CHCHD3: variants seen among roughly 807,000 people sequenced by gnomAD.
CHCHD3 encodes the protein coiled-coil-helix-coiled-coil-helix domain containing 3, also known as MICOS complex subunit MIC19.
In CHCHD3, 20 loss-of-function variants were observed where a neutral mutation model predicts 38.2. The observed-to-expected ratio is 0.52, with a 90% CI of 0.37 to 0.76. The LOEUF is 0.76. Among genes scored for constraint, CHCHD3 ranks in the 30% least tolerant of loss-of-function variants. CHCHD3 has a pLI of 0.00. For missense variants in CHCHD3, 245 were observed against 279.2 expected, an observed-to-expected ratio of 0.88 and a Z score of 0.87; for synonymous variants, 82 against 100.0, an observed-to-expected ratio of 0.82 and a Z score of 1.07.
chr7:132,844,012 C>A (rs1225024374), intron 5 of CHCHD3, among the ~76,000 whole-genome samples: 1 of 152,118 alleles, frequency 6.6e-6, no homozygotes, highest in African/African-American at 2.4e-5. Context: ...ATAAAGAGAA[C>A]AAACGGGCCG....
intron 4 of CHCHD3, among the ~76,000 whole-genome samples, chr7:132,939,771 C>T (rs567828275): frequency 2.5e-4 from 38 of 152,242 alleles, no homozygotes; most frequent in Non-Finnish European, 4.6e-4. Context: ...ATAAACTAGG[C>T]GGAAAATGCT....
intron 5 of CHCHD3, among the ~76,000 whole-genome samples, chr7:132,875,503 TACTA>T (rs1459809585): frequency 6.6e-6 from 1 of 152,168 alleles, no homozygotes; most frequent in African/African-American, 2.4e-5. Flanking sequence ...CTCTCTAACC[TACTA>T]ACTTTCCCCC....
intron 4 of CHCHD3, among the ~76,000 whole-genome samples, chr7:132,940,874 A>C (rs1413444343): frequency 6.6e-6 from 1 of 152,082 alleles, no homozygotes; most frequent in African/African-American, 2.4e-5. Context: ...GAGTTAAGGT[A>C]TTGTTCCACC....
chr7:133,046,508 T>A (rs1035236100), intron 2 of CHCHD3, among the ~76,000 whole-genome samples: 1 of 152,230 alleles, frequency 6.6e-6, no homozygotes, highest in Non-Finnish European at 1.5e-5. Flanking sequence ...CAGTGTATAT[T>A]ACAAACTTGG....
intron 5 of CHCHD3, among the ~76,000 whole-genome samples, chr7:132,860,096 C>A (rs1808444599): frequency 6.6e-6 from 1 of 152,004 alleles, no homozygotes; most frequent in Non-Finnish European, 1.5e-5. Flanking sequence ...CATGGCAAAA[C>A]CATGTCTACA....
chr7:133,045,728 G>A (rs900899828), intron 2 of CHCHD3, among the ~76,000 whole-genome samples: 4 of 152,112 alleles, frequency 2.6e-5, no homozygotes, highest in South Asian at 4.1e-4. Flanking sequence ...AATTGTAATC[G>A]CCAGTGTTGG....
intron 3 of CHCHD3, among the ~76,000 whole-genome samples, chr7:133,021,839 C>T (rs1813186024): frequency 6.6e-6 from 1 of 152,160 alleles, no homozygotes; most frequent in African/African-American, 2.4e-5. Flanking sequence ...GTAATCCCAG[C>T]ACTTTGGGAG....
intron 2 of CHCHD3, among the ~76,000 whole-genome samples, chr7:133,050,340 TAAAAA>T (rs35635002): frequency 5.5e-3 from 175 of 31,784 alleles, no homozygotes; most frequent in African/African-American, 0.016. Flanking sequence ...GGCTGTGTCT[TAAAAA>T]AAAAAAAAAA....
At chr7:132,993,722 C>A (rs1174758367) in intron 3 of CHCHD3, among the ~76,000 whole-genome samples, 2 of 152,198 alleles carry the variant, frequency 1.3e-5, no homozygotes, top group East Asian at 1.9e-4. Context: ...AGTCTCTCCC[C>A]ATCCCTCACC....
chr7:132,924,415 C>T (rs1408545495), intron 4 of CHCHD3, among the ~76,000 whole-genome samples: 1 of 152,090 alleles, frequency 6.6e-6, no homozygotes, highest in Non-Finnish European at 1.5e-5. Context: ...CAGTGTCTCA[C>T]AGTTAAAGTC....
chr7:132,874,443 A>T (rs1277034051), intron 5 of CHCHD3, among the ~76,000 whole-genome samples: 1 of 152,196 alleles, frequency 6.6e-6, no homozygotes, highest in African/African-American at 2.4e-5. Context: ...GATGGAACAG[A>T]AGATGTTGAT....
intron 3 of CHCHD3, among the ~76,000 whole-genome samples, chr7:132,978,380 CT>C (rs1811827323): frequency 6.6e-6 from 1 of 152,126 alleles, no homozygotes; most frequent in African/African-American, 2.4e-5. Context: ...CAGCTAGACC[CT>C]TTCACAAGCT....
chr7:133,011,501 A>G (rs1812872689), intron 3 of CHCHD3, among the ~76,000 whole-genome samples: 1 of 152,322 alleles, frequency 6.6e-6, no homozygotes, highest in Non-Finnish European at 1.5e-5. Context: ...TGTCCAGTGC[A>G]CTGTAGGATG....
chr7:132,854,221 T>C (rs934142341), intron 5 of CHCHD3, among the ~76,000 whole-genome samples: 6 of 152,194 alleles, frequency 3.9e-5, no homozygotes, highest in African/African-American at 1.4e-4. Flanking sequence ...AATTTGTTCA[T>C]TGTGGAGTTC....
chr7:133,060,942 A>G (rs1308768013), intron 2 of CHCHD3, among the ~76,000 whole-genome samples: 1 of 152,166 alleles, frequency 6.6e-6, no homozygotes, highest in Non-Finnish European at 1.5e-5. Context: ...GATAAGTCTG[A>G]GGATATACAA....
intron 5 of CHCHD3, among the ~76,000 whole-genome samples, chr7:132,880,159 C>T (rs188129265): frequency 2.6e-5 from 4 of 152,254 alleles, no homozygotes; most frequent in Admixed American, 6.5e-5. Context: ...GATTTACATA[C>T]AGAATGAACA....
intron 5 of CHCHD3, among the ~76,000 whole-genome samples, chr7:132,878,014 T>C (rs1280161649): frequency 6.6e-6 from 1 of 152,170 alleles, no homozygotes; most frequent in Non-Finnish European, 1.5e-5. Context: ...CAGGGGGGAA[T>C]ATCAAACGGT....
chr7:132,874,725 C>T (rs560108376), intron 5 of CHCHD3, among the ~76,000 whole-genome samples: 41 of 152,176 alleles, frequency 2.7e-4, no homozygotes, highest in Non-Finnish European at 4.4e-4. Context: ...CCCATTGCTC[C>T]CAATTCTGAG....
At chr7:132,896,374 C>T (rs1489838397) in intron 4 of CHCHD3, among the ~76,000 whole-genome samples, 2 of 152,232 alleles carry the variant, frequency 1.3e-5, no homozygotes, top group East Asian at 1.9e-4. Flanking sequence ...TATGCCATAC[C>T]TGTTGTTAAA....
Sources: allele counts gnomAD v4.1 joint callset (sites outside exome capture counted in the v4.1 genomes callset), GRCh38; gene constraint gnomAD v4.1.1; transcripts MANE v1.5; gene names NCBI Gene and HGNC (gene_info 2026-07-23, HGNC 2026-07-21).